The following TEP1 variants were observed in gnomAD, a reference collection of about 807,000 sequenced individuals.
TEP1 encodes telomerase associated protein 1, also known as telomerase protein component 1.
Under a neutral mutation model 306.3 loss-of-function variants are expected in TEP1, and 241 were observed. The observed-to-expected ratio is 0.79, with a 90% CI of 0.71 to 0.88. The LOEUF is 0.88. Ranked by LOEUF, TEP1 falls within the 40% of genes least tolerant of loss-of-function variation. The pLI, the probability that TEP1 is intolerant of heterozygous loss-of-function variation, is 0.00. For missense variants in TEP1, 3,051 were observed against 3,276.1 expected, an observed-to-expected ratio of 0.93 and a Z score of 1.68; for synonymous variants, 1,289 against 1,305.5, an observed-to-expected ratio of 0.99 and a Z score of 0.27.
In TEP1 at chr14:20,384,587, T is replaced by A; in HGVS notation, c.3221+13A>T. 2.5e-6 allele frequency: 4 copies of A among 1,613,654 alleles called. No individual in the cohort carries two copies. The highest frequency in any genetic ancestry group is 3.4e-6 in the Non-Finnish European group (4 of 1,179,768). ...CATCTCTGTACAGGTGCTCCCTACC[T>A]CCCTCAGCTCACCTGCGGCAGGTGA... is the stretch of plus-strand genomic sequence containing the variant. On this transcript the variant is annotated intron_variant, in intron 22 of 54. Coordinates refer to ENST00000262715, the MANE Select transcript of TEP1 (RefSeq NM_007110.5).
chr14:20,398,331 T>TCG (rs1878380492), intron 9 of TEP1, among the ~76,000 whole-genome samples: 1 of 146,594 alleles, frequency 6.8e-6, no homozygotes, highest in Admixed American at 6.9e-5. Flanking sequence ...TGAGCCGAGG[T>TCG]CGCGCCATTG....
intron 50 of TEP1, 65 bp from the exon 51 acceptor site, chr14:20,371,379 C>G: frequency 1.9e-6 from 3 of 1,595,868 alleles, no homozygotes; most frequent in South Asian, 2.2e-5. Flanking sequence ...AAGAACACCT[C>G]TCTTTAAGAC....
intron 42 of TEP1, 74 bp from the exon 43 acceptor site, chr14:20,375,942 G>T: frequency 6.6e-7 from 1 of 1,505,466 alleles, no homozygotes; most frequent in Non-Finnish European, 9.2e-7. Flanking sequence ...TTTCAGGCAA[G>T]AAATTTCAAG....
Position 20,381,642 on chromosome 14 carries a change from C to T in TEP1, c.4469G>A (p.Cys1490Tyr). ...TGTTCTCAGGGGCCCATCAGGGAGGCACAGCCGGGCACCAGGGCGCTCCAG... is the reference window on the plus strand; with the variant it reads ...TGTTCTCAGGGGCCCATCAGGGAGGTACAGCCGGGCACCAGGGCGCTCCAG... The part of the protein sequence containing the change: ...GPLERPGARL[C>Y]LPDGPLRTAA... Residue 1490 changes from cysteine (C) to tyrosine (Y), a missense_variant, in exon 31 of 55, where the codon TGC (cysteine) becomes TAC (tyrosine). Around this residue, in one of 3 missense-constraint regions of TEP1, gnomAD observed 1,540 missense variants for 1,705.9 expected, o/e 0.90. Coordinates refer to ENST00000262715, the MANE Select transcript of TEP1 (RefSeq NM_007110.5). The surrounding 1 kb of genome is among the most constrained non-coding windows in gnomAD (Gnocchi z 4.0). 1 of 1,613,636 alleles carries T rather than the reference C, an allele frequency of 6.2e-7. No individual in the cohort carries two copies. The highest frequency in any genetic ancestry group is 8.5e-7 in the Non-Finnish European group (1 of 1,179,816).
intron 1 of TEP1, among the ~76,000 whole-genome samples, chr14:20,409,600 G>GC (rs1224143941): frequency 6.6e-6 from 1 of 151,876 alleles, no homozygotes; most frequent in African/African-American, 2.4e-5. Context: ...CCCTTCCTTT[G>GC]CCCCCTTTGC....
chr14:20,404,312 G>A (rs1053003108), intron 5 of TEP1, among the ~76,000 whole-genome samples: 16 of 141,484 alleles, frequency 1.1e-4, no homozygotes, highest in Admixed American at 8.3e-4. Context: ...CCGAGATCAC[G>A]CCATTGTACT....
Position 20,375,824 on chromosome 14 carries a change from C to T in TEP1, c.6294G>A (p.Leu2098=), listed in dbSNP as rs1885141782. 6.2e-7 allele frequency: 1 copy of T among 1,613,494 alleles called. No homozygotes were observed. Among genetic ancestry groups the T allele is most frequent in the African/African-American group, 1.3e-5 (1 of 74,870 alleles). ...WDVRTPKTPV[L]IHSFPACHRD... Reference sequence around the variant, plus strand: ...GGTGACAGGCAGGGAAGGAGTGGATCAAAACAGGGGTTTTGGGTGTCCTCA... The same window carrying T: ...GGTGACAGGCAGGGAAGGAGTGGATTAAAACAGGGGTTTTGGGTGTCCTCA... The change falls in exon 43 of 55, where the codon TTG becomes TTA. Residue 2098 remains leucine, a synonymous_variant. Coordinates refer to ENST00000262715, the MANE Select transcript of TEP1 (RefSeq NM_007110.5).
intron 21 of TEP1, 79 bp from the exon 22 acceptor site, chr14:20,384,792 G>T: frequency 6.6e-7 from 1 of 1,504,650 alleles, no homozygotes; most frequent in Non-Finnish European, 9.1e-7. Flanking sequence ...AGACATAGCT[G>T]TAATTTCCTG....
chr14:20,411,630 C>T (rs933003289), intron 1 of TEP1, among the ~76,000 whole-genome samples: 63 of 151,926 alleles, frequency 4.1e-4, no homozygotes, highest in African/African-American at 1.4e-3. Flanking sequence ...TGCTGGTCAG[C>T]GGGATTCAGA....
At chr14:20,374,594 T>C in intron 43 of TEP1, 58 bp from the exon 44 acceptor site, 1 of 1,339,306 alleles carries the variant, frequency 7.5e-7, no homozygotes, top group Non-Finnish European at 1.0e-6. Context: ...CATTTTGGTA[T>C]ATCTGTAGTG....
intron 27 of TEP1, 64 bp downstream of exon 27, chr14:20,383,110 C>T: frequency 6.6e-7 from 1 of 1,515,846 alleles, no homozygotes; most frequent in Non-Finnish European, 8.8e-7. Context: ...GGCCTCGGCA[C>T]CCCAGGTCCT....
At chr14:20,398,843 T>C (rs541859551) in intron 9 of TEP1, among the ~76,000 whole-genome samples, 1 of 152,292 alleles carries the variant, frequency 6.6e-6, no homozygotes, top group African/African-American at 2.4e-5. Flanking sequence ...GTAAGTCTTA[T>C]TTGAATTATA....
intron 49 of TEP1, among the ~76,000 whole-genome samples, chr14:20,372,374 G>GTA (rs1884894086): frequency 1.2e-5 from 1 of 85,656 alleles, no homozygotes; most frequent in Admixed American, 1.4e-4. Context: ...GTGTGTGTGT[G>GTA]TGTGTATGTG....
At chr14:20,383,145 C>T (rs1485240900) in intron 27 of TEP1, 29 bp downstream of exon 27, 27 of 1,555,482 alleles carry the variant, frequency 1.7e-5, no homozygotes, top group African/African-American at 4.1e-5. Flanking sequence ...TCACCCCACA[C>T]ACCCACCGGC....
At chr14:20,389,367 TC>T in intron 16 of TEP1, 70 bp from the exon 17 acceptor site, 1 of 1,566,990 alleles carries the variant, frequency 6.4e-7, no homozygotes, top group Non-Finnish European at 8.8e-7. Context: ...CCCACTAACA[TC>T]CCAAGATGAA....
Position 20,401,526 on chromosome 14 carries a change from A to G in TEP1, c.1322T>C (p.Leu441Pro), listed in dbSNP as rs751045054. The G allele has an allele frequency of 3.1e-6, 5 of 1,614,222 alleles. No homozygotes were observed. In the South Asian group the frequency reaches 3.3e-5, roughly 11 times the overall value. The change falls in exon 8 of 55, where the codon CTG becomes CCG. Residue 441 changes from leucine to proline, a missense_variant. Around this residue, in one of 3 missense-constraint regions of TEP1, gnomAD observed 1,507 missense variants for 1,550.5 expected, o/e 0.97. Coordinates refer to ENST00000262715, the MANE Select transcript of TEP1 (RefSeq NM_007110.5). ...GTGCAGTCGCTGAACCAGCTTCTTC[A>G]GGGTGAACCTTGGAGGATTCTTTTT... ...SEKKNPPRFT[L>P]KKLVQRLHIH...
chr14:20,387,450 G>A (rs1282750755), intron 18 of TEP1, among the ~76,000 whole-genome samples: 1 of 150,758 alleles, frequency 6.6e-6, no homozygotes, highest in Non-Finnish European at 1.5e-5. Context: ...TACTCGGGAG[G>A]CTGAGGCAGG....
chr14:20,379,911 C>A lies in TEP1; in HGVS notation c.5127+19G>T. ...TGGATTTTCAGAGGGTAAATTCTGCCCCTCCTTGATTGTCATACCTGCCAA... is the reference window on the plus strand; with the variant it reads ...TGGATTTTCAGAGGGTAAATTCTGCACCTCCTTGATTGTCATACCTGCCAA... On this transcript the variant is annotated intron_variant, in intron 35 of 54. Coordinates refer to ENST00000262715, the MANE Select transcript of TEP1 (RefSeq NM_007110.5). 1 of 1,601,686 alleles carries A rather than the reference C, an allele frequency of 6.2e-7. No individual in the cohort carries two copies. The highest frequency in any genetic ancestry group is 8.5e-7 in the Non-Finnish European group (1 of 1,175,026).
rs143088473 is a variant in TEP1, at chr14:20,368,450, A to G, written c.7871T>C (p.Leu2624Pro). The G allele has an allele frequency of 2.0e-4, 327 of 1,614,162 alleles. 1 individual carries two copies. In the African/African-American group the frequency reaches 3.8e-3, roughly 19 times the overall value. The part of the protein sequence containing the change: ...VGDVQGNVYF[L>P]NWE Reference sequence around the variant, plus strand: ...AGTGGCACATCTTCATTCCCAATTCAGAAAGTACACATTGCCCTGCACGTC... The same window carrying G: ...AGTGGCACATCTTCATTCCCAATTCGGAAAGTACACATTGCCCTGCACGTC... The change falls in exon 55 of 55, where the codon CTG becomes CCG. Residue 2624 changes from leucine to proline, a missense_variant. Leu to Pro is a moderately conservative substitution (Grantham distance 98). Coordinates refer to ENST00000262715, the MANE Select transcript of TEP1 (RefSeq NM_007110.5).
Sources: gnomAD v4.1 joint callset for allele counts (sites outside exome capture counted in the v4.1 genomes callset) on GRCh38, gnomAD v4.1.1 for gene constraint, gnomAD v4.1.1 regional missense constraint, Gnocchi (gnomAD v3.1) non-coding constraint, MANE v1.5 for transcripts, NCBI Gene and HGNC (gene_info 2026-07-23, HGNC 2026-07-21) for gene names.